The following CCP110 variants were observed in gnomAD, a reference collection of about 807,000 sequenced individuals.
CCP110 encodes the protein centriolar coiled-coil protein 110.
CCP110 carries 43 observed loss-of-function variants against 105.5 expected under a neutral mutation model. The observed-to-expected ratio is 0.41, with a 90% CI of 0.32 to 0.53. The LOEUF is 0.53. CCP110 is among the 20% of genes least tolerant of loss of function. The pLI is 0.32. For missense variants in CCP110, 1,016 were observed against 1,189.1 expected, an observed-to-expected ratio of 0.85 and a Z score of 2.14; for synonymous variants, 353 against 392.1, an observed-to-expected ratio of 0.90 and a Z score of 1.18.
intron 1 of CCP110, chr16:19,527,138 A>G (rs1176765845): frequency 2.0e-5 from 3 of 152,268 alleles, no homozygotes; most frequent in Middle Eastern, 3.4e-3. Context: ...GATGGTTCCA[A>G]TTTTCAACAA....
chr16:19,540,704 C>T (rs142593876), exon 5 of CCP110: 188 of 1,611,790 alleles, frequency 1.2e-4, no homozygotes, highest in Non-Finnish European at 1.5e-4. Flanking sequence ...TGAAGAAATG[C>T]GGAAGAGACT....
chr16:19,539,346 C>T (rs1030847775), intron 4 of CCP110, among the ~76,000 whole-genome samples: 3 of 148,990 alleles, frequency 2.0e-5, no homozygotes, highest in African/African-American at 7.5e-5. Flanking sequence ...CTGCTTAAAA[C>T]CTGTGCAACT....
intron 8 of CCP110, among the ~76,000 whole-genome samples, chr16:19,543,907 T>TG (rs139732060): frequency 0.044 from 6,710 of 152,274 alleles, 261 homozygotes; most frequent in East Asian, 0.18. Context: ...CGTGCACAGC[T>TG]GAACATAGAC....
At chr16:19,537,244 C>G (rs1015535512) in exon 4 of CCP110, 2 of 1,613,986 alleles carry the variant, frequency 1.2e-6, no homozygotes, top group African/African-American at 1.3e-5. Context: ...TGAGTGGACT[C>G]AAGCCAGCCA....
intron 3 of CCP110, 151 bp from the exon 4 acceptor site, chr16:19,535,789 G>T: frequency 1.7e-6 from 1 of 586,032 alleles, no homozygotes. Flanking sequence ...TGTGATACAG[G>T]ATACCGTAGA....
Position 19,544,777 on chromosome 16 carries a change from A to T in CCP110, c.2485-20A>T, listed in dbSNP as rs1441258405. The stretch of plus-strand genomic sequence containing the variant: ...AATCTTTCTAGAAAAATGTTTTTGA[A>T]GGAGCATTTCTTTTTTCAGGATACT... On this transcript the variant is annotated intron_variant, in intron 8 of 14. Coordinates refer to ENST00000381396, the Ensembl canonical transcript of CCP110. 1.6e-6 allele frequency: 2 copies of T among 1,224,392 alleles called. No homozygotes were observed. The highest frequency in any genetic ancestry group is 3.0e-5 in the African/African-American group (2 of 65,782). The allele number at this position is 1,224,392 out of a possible 1,614,324, so 75.8% of individuals were successfully genotyped here. A position where few individuals can be genotyped will look rare whatever the true frequency, so the allele number is the denominator to read the frequency against.
intron 2 of CCP110, among the ~76,000 whole-genome samples, chr16:19,531,791 C>A (rs546837700): frequency 6.6e-6 from 1 of 152,044 alleles, no homozygotes; most frequent in Non-Finnish European, 1.5e-5. Context: ...CATGGTGAAA[C>A]CCCATCTCTA....
chr16:19,540,296 G>A (rs1185856351), intron 4 of CCP110, among the ~76,000 whole-genome samples: 1 of 152,212 alleles, frequency 6.6e-6, no homozygotes, highest in Non-Finnish European at 1.5e-5. Flanking sequence ...CACTACCAGA[G>A]ATCCTGGAGG....
chr16:19,544,246 G>A (rs774045697), intron 8 of CCP110, among the ~76,000 whole-genome samples: 12 of 152,156 alleles, frequency 7.9e-5, no homozygotes, highest in Non-Finnish European at 1.5e-4. Flanking sequence ...CCCAATAATC[G>A]TTAATCTTTC....
chr16:19,536,326 C>T, exon 4 of CCP110: 1 of 1,612,874 alleles, frequency 6.2e-7, no homozygotes, highest in African/African-American at 1.3e-5. Context: ...TGGCAGAAGT[C>T]ATCCCAGATC....
exon 15 of CCP110, chr16:19,551,761 G>A (rs1242788148): frequency 6.7e-6 from 1 of 149,100 alleles, no homozygotes; most frequent in Non-Finnish European, 1.5e-5. Context: ...TTGACTTACA[G>A]TATAACCATG....
intron 3 of CCP110, among the ~76,000 whole-genome samples, chr16:19,533,250 A>C (rs226890): frequency 0.097 from 14,817 of 152,244 alleles, 774 homozygotes; most frequent in African/African-American, 0.14. Flanking sequence ...CACGTGTATA[A>C]TGAACCTTAA....
intron 8 of CCP110, among the ~76,000 whole-genome samples, chr16:19,543,663 A>C (rs1049675712): frequency 4.6e-5 from 7 of 152,206 alleles, no homozygotes; most frequent in African/African-American, 1.7e-4. Flanking sequence ...CTAGCAAGGA[A>C]TATTAATAAT....
chr16:19,545,211 GTATGT>G lies in CCP110; in HGVS notation c.2703+5_2703+9del, dbSNP rs767038908. On this transcript the variant is annotated splice_donor_variant and splice_donor_5th_base_variant and intron_variant, in intron 10 of 14. Transcript: ENST00000381396. LOFTEE classifies it high-confidence loss of function. ...CAAAGAGAAAATGCTCAGGCAAATG[GTATGT>G]TATATGATTTCTAATGAATAGAGTT... is the stretch of plus-strand genomic sequence containing the variant. The G allele has an allele frequency of 3.3e-6, 5 of 1,515,614 alleles. No homozygotes were observed. The highest frequency in any genetic ancestry group is 1.1e-5 in the South Asian group (1 of 88,344). 93.9% of individuals were successfully genotyped at this position (1,515,614 alleles called of 1,614,324 possible).
intron 4 of CCP110, among the ~76,000 whole-genome samples, chr16:19,539,111 CAA>C (rs749891365): frequency 8.3e-6 from 1 of 121,180 alleles, no homozygotes; most frequent in Non-Finnish European, 1.7e-5. Context: ...GATTCCATCT[CAA>C]AAAAAAAAAA....
At position 19,545,215 on chromosome 16, in the gene CCP110, G is replaced by A. The variant is rs1362065593; in HGVS notation, c.2703+5G>A. On this transcript the variant is annotated splice_donor_5th_base_variant and intron_variant, in intron 10 of 14. Coordinates refer to ENST00000381396, the Ensembl canonical transcript of CCP110. ...GAGAAAATGCTCAGGCAAATGGTAT[G>A]TTATATGATTTCTAATGAATAGAGT... 2 of 1,494,536 alleles carry A rather than the reference G, an allele frequency of 1.3e-6. No homozygotes were observed. The highest frequency in any genetic ancestry group is 2.3e-5 in the East Asian group (1 of 44,164). 92.6% of individuals were successfully genotyped at this position (1,494,536 alleles called of 1,614,324 possible).
Position 19,543,222 on chromosome 16 carries a change from G to A in CCP110, c.2484+228G>A, listed in dbSNP as rs542255878. 6.6e-5 allele frequency among the ~76,000 whole-genome samples: 10 copies of A among 152,236 alleles called. No individual in the cohort carries two copies. The East Asian group carries it at 1.7e-3, about 26-fold the overall frequency. ...AATTGTGAAGATTTCATTTTAATAT[G>A]GACATATATCAGTTCCCAAATAACA... is the stretch of plus-strand genomic sequence containing the variant. On this transcript the variant is annotated intron_variant, in intron 8 of 14. Coordinates refer to ENST00000381396, the Ensembl canonical transcript of CCP110.
At chr16:19,532,389 T>A (rs770235411) in intron 2 of CCP110, 27 bp from the exon 3 acceptor site, 286 of 1,553,692 alleles carry the variant, frequency 1.8e-4, no homozygotes, top group Non-Finnish European at 2.3e-4. Context: ...TCGTGGGAAA[T>A]AATTACATTT....
At position 19,548,428 on chromosome 16, in the gene CCP110, A is replaced by G; in HGVS notation, c.2901-87A>G. 1 of 816,166 alleles carries G rather than the reference A, an allele frequency of 1.2e-6. No homozygotes were observed. The highest frequency in any genetic ancestry group is 1.9e-6 in the Non-Finnish European group (1 of 513,602). The allele number at this position is 816,166 out of a possible 1,614,324, so 50.6% of individuals were successfully genotyped here. A position where few individuals can be genotyped will look rare whatever the true frequency, so the allele number is the denominator to read the frequency against. ...TTTCAAGCTTATTTGTGCTTTGGAC[A>G]GTTGATGCAATGTGATTGCTTTCTT... On this transcript the variant is annotated intron_variant, in intron 13 of 14. Transcript: ENST00000381396. The surrounding 1 kb of genome is among the most constrained non-coding windows in gnomAD (Gnocchi z 4.1).
Sources: allele counts gnomAD v4.1 joint callset (sites outside exome capture counted in the v4.1 genomes callset), GRCh38; gene constraint gnomAD v4.1.1; non-coding constraint Gnocchi (gnomAD v3.1); transcripts MANE v1.5; gene names NCBI Gene and HGNC (gene_info 2026-07-23, HGNC 2026-07-21).